Variants in NPAS3 observed in about 807,000 individuals in gnomAD.
NPAS3 encodes neuronal PAS domain-containing protein 3.
NPAS3 carries 14 observed loss-of-function variants against 73.1 expected under a neutral mutation model. That is an observed-to-expected ratio of 0.19 (90% confidence interval 0.13 to 0.30). The LOEUF (loss-of-function observed/expected upper bound fraction) is 0.30. Ranked by LOEUF, NPAS3 falls within the 10% of genes least tolerant of loss-of-function variation. NPAS3 has a pLI of 1.00. For missense variants in NPAS3, 1,096 were observed against 1,250.0 expected (o/e 0.88, Z 1.86); for synonymous variants, 620 against 541.5 (o/e 1.14, Z -2.01).
intron 5 of NPAS3, among the ~76,000 whole-genome samples, chr14:33,635,308 G>T (rs971479251): frequency 1.3e-5 from 2 of 152,176 alleles, no homozygotes; most frequent in Non-Finnish European, 2.9e-5. Context: ...AGGACATATG[G>T]AAGTCAGATT....
intron 2 of NPAS3, among the ~76,000 whole-genome samples, chr14:33,121,637 TC>T (rs1281583023): frequency 1.3e-5 from 2 of 152,158 alleles, no homozygotes; most frequent in Non-Finnish European, 2.9e-5. Flanking sequence ...TCTCTGTCTC[TC>T]TGACATAACT....
chr14:33,535,509 G>A (rs926762033), intron 4 of NPAS3, among the ~76,000 whole-genome samples: 1 of 152,150 alleles, frequency 6.6e-6, no homozygotes, highest in African/African-American at 2.4e-5. Flanking sequence ...GGTTTCAAGA[G>A]AACACCGACT....
chr14:33,257,283 C>T (rs79565783), intron 3 of NPAS3, among the ~76,000 whole-genome samples: 4,910 of 152,234 alleles, frequency 0.032, 206 homozygotes, highest in East Asian at 0.22. Context: ...TTTCCTCAGG[C>T]TTAGGGGAGT....
chr14:33,797,636 G>A (rs547277550), intron 11 of NPAS3, 55 bp downstream of exon 11: 14 of 1,583,432 alleles, frequency 8.8e-6, no homozygotes, highest in Non-Finnish European at 1.1e-5. Context: ...CACGCGCAGG[G>A]GGTGGGCAAC....
At chr14:33,320,563 G>T (rs1367372013) in intron 3 of NPAS3, among the ~76,000 whole-genome samples, 1 of 152,150 alleles carries the variant, frequency 6.6e-6, no homozygotes, top group Non-Finnish European at 1.5e-5. Flanking sequence ...ACATGCTCAT[G>T]TCTGAGGCAA....
intron 6 of NPAS3, among the ~76,000 whole-genome samples, chr14:33,730,034 T>C (rs1395933796): frequency 6.6e-6 from 1 of 152,110 alleles, no homozygotes; most frequent in East Asian, 1.9e-4. Flanking sequence ...TATACAGACA[T>C]ACACACATAT....
At chr14:33,413,485 GC>G (rs1325467136) in intron 4 of NPAS3, among the ~76,000 whole-genome samples, 2 of 151,984 alleles carry the variant, frequency 1.3e-5, no homozygotes, top group East Asian at 3.9e-4. Context: ...TGATTTTCCT[GC>G]CTTTGAATAT....
chr14:33,288,378 AT>A (rs1566761728), intron 3 of NPAS3, among the ~76,000 whole-genome samples: 1 of 152,100 alleles, frequency 6.6e-6, no homozygotes, highest in African/African-American at 2.4e-5. Context: ...TCACAAAGCC[AT>A]TTGTCCCCAT....
intron 7 of NPAS3, among the ~76,000 whole-genome samples, chr14:33,745,861 C>A (rs925125547): frequency 6.6e-6 from 1 of 152,092 alleles, no homozygotes; most frequent in Non-Finnish European, 1.5e-5. Context: ...GTTCCTTTAA[C>A]AAAAGAAGCA....
chr14:33,493,627 G>A (rs2052018459), intron 4 of NPAS3, among the ~76,000 whole-genome samples: 1 of 152,118 alleles, frequency 6.6e-6, no homozygotes, highest in Non-Finnish European at 1.5e-5. Flanking sequence ...TTAAGGCTCT[G>A]TGGTTATCTA....
Position 33,061,826 on chromosome 14 carries a change from G to A in NPAS3, c.140+5832G>A, listed in dbSNP as rs190566449. On this transcript the variant is annotated intron_variant, in intron 2 of 11. Coordinates refer to ENST00000356141, the Ensembl canonical transcript of NPAS3. ...AAGTAATTGACATTCTGCCTGGAGC[G>A]GTGCCTCAGGAGAAATAAGTGTCAA... Among the ~76,000 whole-genome samples, 13 of 152,214 alleles carry A rather than the reference G, an allele frequency of 8.5e-5. 1 individual carries two copies. The East Asian group carries it at 1.4e-3, about 16-fold the overall frequency.
chr14:33,644,737 A>C (rs1398750945), intron 5 of NPAS3, among the ~76,000 whole-genome samples: 3 of 152,184 alleles, frequency 2.0e-5, no homozygotes, highest in Non-Finnish European at 2.9e-5. Flanking sequence ...CATGGATTTA[A>C]GTAACCAGAT....
At chr14:33,453,850 C>G (rs534905635) in intron 4 of NPAS3, among the ~76,000 whole-genome samples, 2 of 152,148 alleles carry the variant, frequency 1.3e-5, no homozygotes, top group South Asian at 4.2e-4. Flanking sequence ...GATATGCTTC[C>G]TTTGTTTGTT....
chr14:33,634,729 T>C (rs1032603861), intron 5 of NPAS3, among the ~76,000 whole-genome samples: 2 of 152,116 alleles, frequency 1.3e-5, no homozygotes, highest in African/African-American at 4.8e-5. Context: ...TTAGGCTGAA[T>C]TGGGTTAAGT....
chr14:33,402,155 C>A (rs1395945841), intron 4 of NPAS3, among the ~76,000 whole-genome samples: 48 of 152,156 alleles, frequency 3.2e-4, no homozygotes, highest in Non-Finnish European at 1.5e-5. Flanking sequence ...TATCTCATGA[C>A]AACTGAGTTT....
chr14:33,659,488 A>G (rs1450262982), intron 5 of NPAS3, among the ~76,000 whole-genome samples: 2 of 152,222 alleles, frequency 1.3e-5, no homozygotes, highest in South Asian at 4.1e-4. Context: ...ATTCTAGTCC[A>G]ACAAATGTAC....
At chr14:33,370,501 G>C (rs972958416) in intron 4 of NPAS3, among the ~76,000 whole-genome samples, 1 of 152,052 alleles carries the variant, frequency 6.6e-6, no homozygotes, top group South Asian at 2.1e-4. Flanking sequence ...GAGATTATAG[G>C]AGCCATATTA....
At chr14:33,566,346 A>G (rs931431603) in intron 5 of NPAS3, among the ~76,000 whole-genome samples, 2 of 152,158 alleles carry the variant, frequency 1.3e-5, no homozygotes, top group Non-Finnish European at 2.9e-5. Flanking sequence ...AACTTTGTCT[A>G]CGTTCTGACT....
At chr14:33,497,593 G>A (rs1566951310) in intron 4 of NPAS3, among the ~76,000 whole-genome samples, 1 of 152,080 alleles carries the variant, frequency 6.6e-6, no homozygotes, top group Non-Finnish European at 1.5e-5. Context: ...AAACAAGCAT[G>A]AGGAAAGGAT....
Sources: allele counts gnomAD v4.1 joint callset (sites outside exome capture counted in the v4.1 genomes callset), GRCh38; gene constraint gnomAD v4.1.1; transcripts MANE v1.5; gene names NCBI Gene and HGNC (gene_info 2026-07-23, HGNC 2026-07-21).